Variants in TRIM71 observed in about 807,000 individuals in gnomAD.
TRIM71 encodes the protein E3 ubiquitin-protein ligase TRIM71.
In TRIM71, 9 loss-of-function variants were observed where a neutral mutation model predicts 61.2. The observed-to-expected ratio is 0.15, with a 90% CI of 0.09 to 0.26. The LOEUF (loss-of-function observed/expected upper bound fraction) is 0.26. Ranked by LOEUF, TRIM71 falls within the 10% of genes least tolerant of loss-of-function variation. The pLI, the probability that TRIM71 is intolerant of heterozygous loss-of-function variation, is 1.00. For synonymous variants in TRIM71, 645 were observed against 553.2 expected (o/e 1.17, Z -2.33); for missense variants, 998 against 1,238.7 (o/e 0.81, Z 2.92).
chr3:32,860,130 C>T lies in TRIM71; in HGVS notation c.853-13688C>T, dbSNP rs561741436. Among the ~76,000 whole-genome samples the T allele has an allele frequency of 3.7e-3, 526 of 140,984 alleles. 5 individuals are homozygous for T. Among genetic ancestry groups the T allele is most frequent in the Non-Finnish European group, 5.7e-3 (370 of 64,480 alleles). 92.5% of individuals were successfully genotyped at this position (140,984 alleles called of 152,430 possible). On this transcript the variant is annotated intron_variant, in intron 1 of 3. Transcript: ENST00000383763. ...CCCCTTCCCTCTCCTCTCCTCCCCT[C>T]CCCTCTTCCCTCCCCTCTCCCCTCC...
intron 2 of TRIM71, among the ~76,000 whole-genome samples, chr3:32,880,816 A>G (rs979705824): frequency 6.6e-5 from 10 of 152,222 alleles, no homozygotes; most frequent in Non-Finnish European, 1.2e-4. Context: ...TGCTGGGGAT[A>G]GCGATAAACA....
In TRIM71 at chr3:32,890,976, T is replaced by A. The variant is rs1697018296; in HGVS notation, c.1772T>A (p.Leu591His). Reference sequence around the variant, plus strand: ...GGCCGCAGCTACGTGGGCATTGGGCTCCCGGGCCTGAGCTTCGGCAGTGAG... The same window carrying A: ...GGCCGCAGCTACGTGGGCATTGGGCACCCGGGCCTGAGCTTCGGCAGTGAG... ...KSGRSYVGIG[L>H]PGLSFGSEGD... The change falls in exon 4 of 4, where the codon CTC becomes CAC. Residue 591 changes from leucine (L) to histidine (H), a missense_variant. Leu to His is a moderately conservative substitution (Grantham distance 99, BLOSUM62 -3). This residue lies in a region of TRIM71 where 291 missense variants were observed against 431.2 expected (regional missense o/e 0.67). Coordinates refer to ENST00000383763, the MANE Select transcript of TRIM71 (RefSeq NM_001039111.3). This position sits in a 1 kb window ranked among gnomAD's most constrained non-coding sequence, Gnocchi z 6.2. 8 of 1,614,138 alleles carry A rather than the reference T, an allele frequency of 5.0e-6. No individual in the cohort carries two copies. Among genetic ancestry groups the A allele is most frequent in the Non-Finnish European group, 5.1e-6 (6 of 1,180,042 alleles).
intron 1 of TRIM71, among the ~76,000 whole-genome samples, chr3:32,832,658 C>G (rs1275127719): frequency 6.6e-6 from 1 of 151,746 alleles, no homozygotes; most frequent in African/African-American, 2.4e-5. Context: ...GCATTCCAGC[C>G]TGGGTTCCAA....
chr3:32,860,509 G>A (rs1287020418), intron 1 of TRIM71, among the ~76,000 whole-genome samples: 1 of 130,962 alleles, frequency 7.6e-6, no homozygotes, highest in African/African-American at 2.8e-5. Context: ...TGCCTTTTAT[G>A]CCTCATTTCA....
chr3:32,891,825 GT>G lies in TRIM71; in HGVS notation c.*17del. 6.2e-7 allele frequency: 1 copy of G among 1,611,094 alleles called. No homozygotes were observed. On this transcript the variant is annotated 3_prime_UTR_variant, in exon 4 of 4. Coordinates refer to ENST00000383763, the MANE Select transcript of TRIM71 (RefSeq NM_001039111.3). This position sits in a 1 kb window ranked among gnomAD's most constrained non-coding sequence, Gnocchi z 8.2. ...CTCGTCTTCTAATTGCATTTCCTAGGTTTCTGTGTTTGGGGTGTGTGTGCGT... is the reference window on the plus strand; with the variant it reads ...CTCGTCTTCTAATTGCATTTCCTAGGTTCTGTGTTTGGGGTGTGTGTGCGT...
At chr3:32,821,430 G>A (rs1339443004) in intron 1 of TRIM71, among the ~76,000 whole-genome samples, 1 of 151,966 alleles carries the variant, frequency 6.6e-6, no homozygotes, top group African/African-American at 2.4e-5. Flanking sequence ...CCAGCCTGCA[G>A]GGTCTCTCGC....
rs150942430 is a variant in TRIM71, at chr3:32,826,256, C to T, written c.852+7324C>T. On this transcript the variant is annotated intron_variant, in intron 1 of 3. Coordinates refer to ENST00000383763, the MANE Select transcript of TRIM71 (RefSeq NM_001039111.3). ...GGCAGATCACATAAGGCCCAGAGTT[C>T]GAGACCAGCCTACCAACATGGTGAA... is the stretch of plus-strand genomic sequence containing the variant. 1.8e-4 allele frequency among the ~76,000 whole-genome samples: 28 copies of T among 152,244 alleles called. No homozygotes were observed. The South Asian group carries it at 2.7e-3, about 15-fold the overall frequency.
At chr3:32,865,918 C>T (rs1696730368) in intron 1 of TRIM71, among the ~76,000 whole-genome samples, 1 of 145,730 alleles carries the variant, frequency 6.9e-6, no homozygotes, top group Non-Finnish European at 1.5e-5. Context: ...CCTCTGCCTC[C>T]TGGGCTCAAG....
chr3:32,867,478 T>C (rs1696751169), intron 1 of TRIM71, among the ~76,000 whole-genome samples: 1 of 152,140 alleles, frequency 6.6e-6, no homozygotes, highest in Admixed American at 6.5e-5. Context: ...TGAGACAGGG[T>C]CTCGGGCTCT....
chr3:32,826,937 T>C (rs1051452709), intron 1 of TRIM71, among the ~76,000 whole-genome samples: 2 of 151,954 alleles, frequency 1.3e-5, no homozygotes, highest in African/African-American at 4.8e-5. Context: ...TAATTGTTTT[T>C]GTATTTTTAG....
rs372632374 is a variant in TRIM71 at position 32,825,293 on chromosome 3, A to G, written c.852+6361A>G. 1.9e-3 allele frequency among the ~76,000 whole-genome samples: 295 copies of G among 152,308 alleles called. 7 individuals carry two copies. The South Asian group carries it at 0.059, about 30-fold the overall frequency. ...TTAGCTCTTGTGGAAGCTGTCAATG[A>G]AGTTAAATGGCTAAAACGCTTTTTT... On this transcript the variant is annotated intron_variant, in intron 1 of 3. Coordinates refer to ENST00000383763, the MANE Select transcript of TRIM71 (RefSeq NM_001039111.3).
chr3:32,843,783 G>C (rs1197826817), intron 1 of TRIM71, among the ~76,000 whole-genome samples: 2 of 152,266 alleles, frequency 1.3e-5, no homozygotes, highest in Middle Eastern at 6.8e-3. Context: ...GAACCTCCCT[G>C]AGCTCCTTTC....
intron 1 of TRIM71, among the ~76,000 whole-genome samples, chr3:32,855,687 C>T (rs1696592485): frequency 6.6e-6 from 1 of 152,066 alleles, no homozygotes; most frequent in African/African-American, 2.4e-5. Context: ...TTTTGGGGAG[C>T]ACAGCAGGAG....
intron 2 of TRIM71, among the ~76,000 whole-genome samples, chr3:32,882,852 A>G (rs1575359411): frequency 6.6e-6 from 1 of 152,236 alleles, no homozygotes; most frequent in East Asian, 1.9e-4. Context: ...CCAATTTTTA[A>G]TAGCAATTCT....
At chr3:32,886,946 A>T (rs1453546103) in intron 3 of TRIM71, among the ~76,000 whole-genome samples, 3 of 152,304 alleles carry the variant, frequency 2.0e-5, no homozygotes, top group Middle Eastern at 3.4e-3. Context: ...ATATGGCTCA[A>T]TTGCTTTCTG....
intron 2 of TRIM71, among the ~76,000 whole-genome samples, chr3:32,881,111 C>T (rs745923707): frequency 1.1e-4 from 16 of 152,010 alleles, no homozygotes; most frequent in Non-Finnish European, 2.1e-4. Flanking sequence ...TTCTGCCTCC[C>T]GGGTTCAAGT....
At chr3:32,877,129 A>C (rs1213283927) in intron 2 of TRIM71, among the ~76,000 whole-genome samples, 3 of 152,126 alleles carry the variant, frequency 2.0e-5, no homozygotes, top group Non-Finnish European at 4.4e-5. Context: ...AGCATCCTTA[A>C]GTCTTGCTCT....
chr3:32,878,493 T>A (rs1696873536), intron 2 of TRIM71, among the ~76,000 whole-genome samples: 1 of 152,160 alleles, frequency 6.6e-6, no homozygotes, highest in African/African-American at 2.4e-5. Flanking sequence ...CACATGCCTG[T>A]AATCCCAGCT....
chr3:32,866,235 C>T (rs1326697620), intron 1 of TRIM71, among the ~76,000 whole-genome samples: 1 of 151,794 alleles, frequency 6.6e-6, no homozygotes, highest in Non-Finnish European at 1.5e-5. Context: ...TGCACCAGGC[C>T]TTTTTGTTTG....
Sources: gnomAD v4.1 joint callset for allele counts (sites outside exome capture counted in the v4.1 genomes callset) on GRCh38, gnomAD v4.1.1 for gene constraint, gnomAD v4.1.1 regional missense constraint, Gnocchi (gnomAD v3.1) non-coding constraint, MANE v1.5 for transcripts, NCBI Gene and HGNC (gene_info 2026-07-23, HGNC 2026-07-21) for gene names.